GABRG3: variants seen among roughly 807,000 people sequenced by gnomAD.
GABRG3 encodes the protein gamma-aminobutyric acid type A receptor subunit gamma3.
GABRG3 carries 25 observed loss-of-function variants against 48.8 expected under a neutral mutation model. The ratio of observed to expected loss-of-function variants is 0.51; its 90% confidence interval spans 0.37 to 0.72. The LOEUF (loss-of-function observed/expected upper bound fraction) is 0.72. Among genes scored for constraint, GABRG3 ranks in the 30% least tolerant of loss-of-function variants. The pLI, the probability that GABRG3 is intolerant of heterozygous loss-of-function variation, is 0.00. For synonymous variants in GABRG3, 227 were observed against 217.6 expected (o/e 1.04, Z -0.38); for missense variants, 394 against 577.9 (o/e 0.68, Z 3.26).
intron 3 of GABRG3, among the ~76,000 whole-genome samples, chr15:27,290,357 A>G (rs1483219987): frequency 2.0e-5 from 3 of 151,958 alleles, no homozygotes; most frequent in Non-Finnish European, 4.4e-5. Flanking sequence ...CCACACACAC[A>G]ATTGAGTGTG....
At chr15:27,163,369 C>A (rs528199623) in intron 3 of GABRG3, among the ~76,000 whole-genome samples, 1 of 152,162 alleles carries the variant, frequency 6.6e-6, no homozygotes, top group African/African-American at 2.4e-5. Context: ...CTATGCCCAG[C>A]TAATTTTCCT....
chr15:27,434,068 G>A (rs1416299752), intron 5 of GABRG3, among the ~76,000 whole-genome samples: 2 of 152,136 alleles, frequency 1.3e-5, no homozygotes, highest in African/African-American at 4.8e-5. Context: ...ATCTGACCCA[G>A]GAAATACATT....
chr15:27,400,357 T>G (rs1203004270), intron 5 of GABRG3, among the ~76,000 whole-genome samples: 1 of 152,238 alleles, frequency 6.6e-6, no homozygotes, highest in African/African-American at 2.4e-5. Context: ...TTGCCATGCT[T>G]TAGCAAAGCA....
intron 3 of GABRG3, among the ~76,000 whole-genome samples, chr15:27,237,957 C>T (rs770224451): frequency 7.9e-5 from 12 of 152,276 alleles, no homozygotes; most frequent in East Asian, 1.9e-4. Flanking sequence ...CCCTCTTGAA[C>T]GCTGTAATAC....
At chr15:27,403,929 CA>C (rs758952317) in intron 5 of GABRG3, among the ~76,000 whole-genome samples, 51 of 83,316 alleles carry the variant, frequency 6.1e-4, no homozygotes, top group East Asian at 2.4e-3. Flanking sequence ...AAAAAAAAAA[CA>C]AAAAAAAAAA....
At chr15:27,259,699 G>A (rs1311733406) in intron 3 of GABRG3, among the ~76,000 whole-genome samples, 2 of 152,106 alleles carry the variant, frequency 1.3e-5, no homozygotes, top group African/African-American at 4.8e-5. Flanking sequence ...GAGGGAAGGT[G>A]CATATTCATC....
chr15:27,146,276 A>G (rs1046345097), intron 3 of GABRG3, among the ~76,000 whole-genome samples: 1 of 152,122 alleles, frequency 6.6e-6, no homozygotes, highest in Non-Finnish European at 1.5e-5. Flanking sequence ...AACACGTTGA[A>G]ACCCTGTCTC....
At chr15:27,342,124 G>T (rs1227161907) in intron 5 of GABRG3, among the ~76,000 whole-genome samples, 1 of 152,204 alleles carries the variant, frequency 6.6e-6, no homozygotes, top group African/African-American at 2.4e-5. Flanking sequence ...GCCATGTCCT[G>T]CTTTCCCACT....
rs566041221 is a variant in GABRG3 at position 27,370,649 on chromosome 15, C to T, written c.574+41761C>T. 6.6e-5 allele frequency among the ~76,000 whole-genome samples: 10 copies of T among 152,206 alleles called. No homozygotes were observed. In the South Asian group the frequency reaches 1.7e-3, roughly 25 times the overall value. On this transcript the variant is annotated intron_variant, in intron 5 of 9. Coordinates refer to ENST00000615808, the MANE Select transcript of GABRG3 (RefSeq NM_033223.5). ...GGTTCCTCCAGCTTCATTAGCTGCT[C>T]GTTTAAAGAAATCACATGGTCTTTT...
intron 3 of GABRG3, among the ~76,000 whole-genome samples, chr15:27,247,519 G>C (rs1432365118): frequency 2.0e-5 from 3 of 152,142 alleles, no homozygotes; most frequent in Non-Finnish European, 4.4e-5. Flanking sequence ...TATTCTGAGA[G>C]ATCTTCTCAA....
chr15:27,312,514 A>C (rs1364594507), intron 3 of GABRG3, among the ~76,000 whole-genome samples: 1 of 152,164 alleles, frequency 6.6e-6, no homozygotes, highest in African/African-American at 2.4e-5. Flanking sequence ...CAAAAGTCAG[A>C]AAAAGAGAAT....
At chr15:27,373,246 G>T (rs751740412) in intron 5 of GABRG3, among the ~76,000 whole-genome samples, 42 of 152,176 alleles carry the variant, frequency 2.8e-4, no homozygotes, top group Non-Finnish European at 5.1e-4. Flanking sequence ...AACTTAAGAT[G>T]ATTCTTATGA....
rs756189877 is a variant in GABRG3 at position 26,977,016 on chromosome 15, A to T, written c.68A>T (p.Glu23Val). ...TGTAACTCCAGGTCCAGAAAGGTGG[A>T]AGAGGATGAATATGAAGATTCATCA... The part of the protein sequence containing the change: ...SGLHARSRKV[E>V]EDEYEDSSSN... The change falls in exon 2 of 10, where the codon GAA becomes GTA. Residue 23 changes from glutamate to valine, a missense_variant. Around this residue, in one of 3 missense-constraint regions of GABRG3, gnomAD observed 218 missense variants for 309.9 expected, o/e 0.70. Coordinates refer to ENST00000615808, the MANE Select transcript of GABRG3 (RefSeq NM_033223.5). The T allele has an allele frequency of 6.2e-7, 1 of 1,613,974 alleles. No individual in the cohort carries two copies. Among genetic ancestry groups the T allele is most frequent in the East Asian group, 2.2e-5 (1 of 44,866 alleles).
intron 3 of GABRG3, among the ~76,000 whole-genome samples, chr15:27,163,693 T>TA (rs1406536085): frequency 6.6e-6 from 1 of 152,214 alleles, no homozygotes; most frequent in African/African-American, 2.4e-5. Flanking sequence ...CTCCATTTTT[T>TA]ATCTCTCACT....
intron 5 of GABRG3, among the ~76,000 whole-genome samples, chr15:27,380,285 T>C (rs142741964): frequency 5.3e-4 from 81 of 151,800 alleles, no homozygotes; most frequent in East Asian, 3.5e-3. Context: ...TGTTTTTACA[T>C]GTTGTCCACT....
intron 5 of GABRG3, among the ~76,000 whole-genome samples, chr15:27,398,862 A>C (rs1416212206): frequency 6.6e-6 from 1 of 152,162 alleles, no homozygotes; most frequent in Non-Finnish European, 1.5e-5. Flanking sequence ...GTAAACAAGA[A>C]AGCAGATCAG....
chr15:27,172,880 T>C (rs1473190565), intron 3 of GABRG3, among the ~76,000 whole-genome samples: 3 of 152,168 alleles, frequency 2.0e-5, no homozygotes, highest in African/African-American at 4.8e-5. Context: ...TCTGTTCACC[T>C]GGAAGGAGGG....
At chr15:27,358,972 G>C (rs527457460) in intron 5 of GABRG3, among the ~76,000 whole-genome samples, 215 of 152,350 alleles carry the variant, frequency 1.4e-3, no homozygotes, top group Non-Finnish European at 1.8e-3. Flanking sequence ...CCCTGGGGAG[G>C]ACCCGGCGGG....
At chr15:27,307,261 TTA>T (rs1491567916) in intron 3 of GABRG3, among the ~76,000 whole-genome samples, 8 of 40,118 alleles carry the variant, frequency 2.0e-4, no homozygotes, top group Admixed American at 2.7e-4. Context: ...CATGTTCATA[TTA>T]TATGTTTATA....
Sources: allele counts gnomAD v4.1 joint callset (sites outside exome capture counted in the v4.1 genomes callset), GRCh38; gene constraint gnomAD v4.1.1; regional missense constraint gnomAD v4.1.1; transcripts MANE v1.5; gene names NCBI Gene and HGNC (gene_info 2026-07-23, HGNC 2026-07-21).